VIRMA: variants seen among roughly 807,000 people sequenced by gnomAD.
VIRMA encodes the protein vir like m6A methyltransferase associated, also known as protein virilizer homolog.
VIRMA carries 65 observed loss-of-function variants against 182.4 expected under a neutral mutation model. The observed-to-expected ratio is 0.36, with a 90% CI of 0.29 to 0.44. VIRMA has a LOEUF of 0.44. VIRMA is among the 20% of genes least tolerant of loss of function. The pLI, the probability that VIRMA is intolerant of heterozygous loss-of-function variation, is 1.00. For missense variants in VIRMA, 1,752 were observed against 2,158.1 expected (o/e 0.81, Z 3.73); for synonymous variants, 709 against 743.1 (o/e 0.95, Z 0.75).
At chr8:94,543,300 G>A (rs1046063854) in intron 2 of VIRMA, among the ~76,000 whole-genome samples, 33 of 150,396 alleles carry the variant, frequency 2.2e-4, no homozygotes, top group African/African-American at 7.8e-4. Context: ...ACTCAGGAGG[G>A]TGAGGCAGGA....
In VIRMA at chr8:94,488,711, G is replaced by A. The variant is rs776109633; in HGVS notation, c.5434C>T (p.Arg1812Ter). The change falls in exon 24 of 24, where the codon CGA becomes TGA. Residue 1812 changes from arginine (R) to a stop codon, truncating the protein, a stop_gained. Transcript: ENST00000297591. LOFTEE classifies it high-confidence loss of function. ...GRGRHVRSFT[R>*] is the part of the protein sequence containing the mutation. ...AGATGTTCCCAAAAGGATTTTTATC[G>A]TGTAAAGGAGCGTACATGACGACCT... 5.0e-6 allele frequency: 8 copies of A among 1,613,696 alleles called. No individual in the cohort carries two copies. The Admixed American group carries it at 5.0e-5, about 10-fold the overall frequency.
At chr8:94,527,478 A>C in intron 7 of VIRMA, 115 bp from the exon 8 acceptor site, 1 of 634,566 alleles carries the variant, frequency 1.6e-6, no homozygotes, top group Non-Finnish European at 2.5e-6. Context: ...CCTCAACAAA[A>C]CCAACTTCTG....
chr8:94,524,872 C>T (rs1385454759), intron 8 of VIRMA, among the ~76,000 whole-genome samples: 1 of 152,182 alleles, frequency 6.6e-6, no homozygotes, highest in Non-Finnish European at 1.5e-5. Flanking sequence ...CACAACAAAC[C>T]ATTCACTGGT....
chr8:94,507,649 G>A (rs1245651616), intron 15 of VIRMA, among the ~76,000 whole-genome samples: 1 of 151,870 alleles, frequency 6.6e-6, no homozygotes, highest in Non-Finnish European at 1.5e-5. Flanking sequence ...CAACTACTGG[G>A]AGGCTGAGGC....
At chr8:94,537,173 A>C (rs897586439) in intron 3 of VIRMA, 22 bp from the exon 4 acceptor site, 1 of 1,501,176 alleles carries the variant, frequency 6.7e-7, no homozygotes, top group African/African-American at 1.4e-5. Flanking sequence ...GTAGAAATAA[A>C]TATGTAAGCT....
intron 1 of VIRMA, among the ~76,000 whole-genome samples, chr8:94,550,941 A>T (rs574403586): frequency 1.3e-5 from 2 of 151,054 alleles, no homozygotes; most frequent in African/African-American, 4.9e-5. Context: ...CTGGTGTCGA[A>T]CTCCTGACGT....
chr8:94,521,493 C>T (rs1206432530), intron 8 of VIRMA, among the ~76,000 whole-genome samples: 2 of 152,108 alleles, frequency 1.3e-5, no homozygotes, highest in African/African-American at 2.4e-5. Context: ...TCTGTCAAAA[C>T]ATCTCTTGAC....
In VIRMA at chr8:94,529,018, T is replaced by A. The variant is rs373176086; in HGVS notation, c.880+52A>T. On this transcript the variant is annotated intron_variant, in intron 7 of 23. Coordinates refer to ENST00000297591, the MANE Select transcript of VIRMA (RefSeq NM_015496.5). ...TTCTTTTGCATTTTTCAAAGCTGTA[T>A]CGAGTTAGTTTCTAGTACTTAAACC... The A allele has an allele frequency of 9.1e-5, 145 of 1,593,166 alleles. 1 individual carries two copies. Among genetic ancestry groups the A allele is most frequent in the Non-Finnish European group, 1.2e-4 (142 of 1,167,058 alleles).
At chr8:94,540,019 T>TTGAGA (rs1265478251) in intron 2 of VIRMA, among the ~76,000 whole-genome samples, 3 of 152,182 alleles carry the variant, frequency 2.0e-5, no homozygotes, top group Non-Finnish European at 4.4e-5. Context: ...ATAAATTTCT[T>TTGAGA]TATAAATTAT....
At position 94,526,864 on chromosome 8, in the gene VIRMA, G is replaced by C. The variant is rs201394646; in HGVS notation, c.1380C>G (p.Thr460=). ...ALNVRQLKAG[T]KLVSSLAECG... is the part of the protein sequence containing the mutation. ...ATTCTGCTAGTGAGGACACTAATTT[G>C]GTCCCAGCTTTGAGCTGTCGAACAT... Residue 460 remains threonine, a synonymous_variant, in exon 8 of 24, where the codon ACC becomes ACG. Transcript: ENST00000297591. The C allele has an allele frequency of 6.2e-6, 10 of 1,614,190 alleles. No individual in the cohort carries two copies. The highest frequency in any genetic ancestry group is 8.5e-6 in the Non-Finnish European group (10 of 1,180,026).
intron 23 of VIRMA, among the ~76,000 whole-genome samples, chr8:94,489,423 C>T (rs1254818111): frequency 2.1e-4 from 32 of 152,180 alleles, no homozygotes; most frequent in South Asian, 2.1e-4. Context: ...TAAGTCTATA[C>T]TCTAAAATAT....
At position 94,546,761 on chromosome 8, in the gene VIRMA, C is replaced by T. The variant is rs576012121; in HGVS notation, c.64-2819G>A. On this transcript the variant is annotated intron_variant, in intron 1 of 23. Transcript: ENST00000297591. ...CCTAAAGTCCATTGTATCATTCTTACGCCTTTGCATCCTGTGCTTCTTTCT... is the reference window on the plus strand; with the variant it reads ...CCTAAAGTCCATTGTATCATTCTTATGCCTTTGCATCCTGTGCTTCTTTCT... The T allele has an allele frequency of 1.6e-4, 61 of 371,750 alleles. 2 individuals carry two copies. Among genetic ancestry groups the T allele is most frequent in the African/African-American group, 7.9e-4 (36 of 45,296 alleles). 23.0% of individuals were successfully genotyped at this position (371,750 alleles called of 1,614,324 possible).
chr8:94,542,911 C>A (rs1037152391), intron 2 of VIRMA, among the ~76,000 whole-genome samples: 4 of 152,016 alleles, frequency 2.6e-5, no homozygotes, highest in Admixed American at 1.3e-4. Context: ...GCTAGTTTAA[C>A]TCTTTTTCTT....
Position 94,511,192 on chromosome 8 carries a change from GT to G in VIRMA, c.3382del (p.Thr1128GlnfsTer34), listed in dbSNP as rs1340785923. 1 of 1,613,324 alleles carries G rather than the reference GT, an allele frequency of 6.2e-7. No homozygotes were observed. The highest frequency in any genetic ancestry group is 8.5e-7 in the Non-Finnish European group (1 of 1,179,886). On this transcript the variant is annotated frameshift_variant, in exon 13 of 24. Coordinates refer to ENST00000297591, the MANE Select transcript of VIRMA (RefSeq NM_015496.5). LOFTEE classifies it high-confidence loss of function. ...GTTATATGGAAGTGATACCTGAGTTGTTTGCATGGGCAATGGAAGAGGCAGC... is the reference window on the plus strand; with the variant it reads ...GTTATATGGAAGTGATACCTGAGTTGTTGCATGGGCAATGGAAGAGGCAGC... ...ELLPLPLPMQ[T>X]TQVIEPHDIS...
intron 8 of VIRMA, among the ~76,000 whole-genome samples, chr8:94,524,409 A>C (rs1385294490): frequency 6.6e-6 from 1 of 151,820 alleles, no homozygotes; most frequent in African/African-American, 2.4e-5. Flanking sequence ...GGTTCAAATG[A>C]TTCTCCTGCC....
Position 94,492,818 on chromosome 8 carries a change from C to T in VIRMA, c.4642G>A (p.Val1548Ile), listed in dbSNP as rs761012106. ...AEEIDTDLDL[V>I]KVDLIELSEK... ...GAGAGTTCAATTAAGTCAACCTTTACCTGCAGTCATAATAATGAAACAAAA... is the reference window on the plus strand; with the variant it reads ...GAGAGTTCAATTAAGTCAACCTTTATCTGCAGTCATAATAATGAAACAAAA... The change falls in exon 21 of 24, where the codon GTA becomes ATA. Residue 1548 changes from valine to isoleucine, a missense_variant and splice_region_variant. Around this residue, in one of 11 missense-constraint regions of VIRMA, gnomAD observed 777 missense variants for 920.6 expected, o/e 0.84. Transcript: ENST00000297591. 2 of 1,607,834 alleles carry T rather than the reference C, an allele frequency of 1.2e-6. No homozygotes were observed. Among genetic ancestry groups the T allele is most frequent in the Admixed American group, 1.7e-5 (1 of 59,646 alleles).
chr8:94,531,441 T>A (rs1815169892), intron 5 of VIRMA, among the ~76,000 whole-genome samples: 1 of 152,222 alleles, frequency 6.6e-6, no homozygotes, highest in African/African-American at 2.4e-5. Flanking sequence ...CAGAATTAAC[T>A]AATAAACTTT....
intron 7 of VIRMA, among the ~76,000 whole-genome samples, chr8:94,528,135 G>A (rs4567002): frequency 0.04 from 6,054 of 151,134 alleles, 134 homozygotes; most frequent in Non-Finnish European, 0.05. Flanking sequence ...TCAGATGGCT[G>A]AGGGACAAAT....
intron 8 of VIRMA, among the ~76,000 whole-genome samples, chr8:94,523,554 C>T (rs765392659): frequency 2.0e-5 from 3 of 151,992 alleles, no homozygotes; most frequent in Admixed American, 6.6e-5. Flanking sequence ...GGACTACAGG[C>T]GCACACTACC....
Sources: allele counts gnomAD v4.1 joint callset (sites outside exome capture counted in the v4.1 genomes callset), GRCh38; gene constraint gnomAD v4.1.1; regional missense constraint gnomAD v4.1.1; transcripts MANE v1.5; gene names NCBI Gene and HGNC (gene_info 2026-07-23, HGNC 2026-07-21).